ALYREF: variants seen among roughly 807,000 people sequenced by gnomAD.
ALYREF encodes the protein Aly/REF export factor, also known as THO complex subunit 4.
Under a neutral mutation model 25.2 loss-of-function variants are expected in ALYREF, and 1 was observed. The observed-to-expected ratio is 0.04, with a 90% confidence interval of 0.01 to 0.19. The LOEUF (loss-of-function observed/expected upper bound fraction) is 0.19, where lower values mean the gene tolerates loss of function less well. Among genes scored for constraint, ALYREF ranks in the 10% least tolerant of loss-of-function variants. The pLI is 1.00. For synonymous variants in ALYREF, 193 were observed against 153.5 expected, an observed-to-expected ratio of 1.26 and a Z score of -1.90; for missense variants, 328 against 375.6, an observed-to-expected ratio of 0.87 and a Z score of 1.05.
chr17:81,889,170 C>T lies in ALYREF; in HGVS notation c.538+12G>A, dbSNP rs868083706. On this transcript the variant is annotated intron_variant, in intron 3 of 5. Coordinates refer to ENST00000505490, the MANE Select transcript of ALYREF (RefSeq NM_005782.4). ...AGCCCCACAGTCAGCGTGGGTCCAC[C>T]CCCAGACTCACCATCCAGAGGGACG... The T allele has an allele frequency of 5.6e-6, 9 of 1,613,698 alleles. 1 individual carries two copies. The Middle Eastern group carries it at 1.3e-3, about 237-fold the overall frequency.
chr17:81,889,347 C>T lies in ALYREF; in HGVS notation c.391-18G>A, dbSNP rs1172348215. The T allele has an allele frequency of 1.2e-6, 2 of 1,609,988 alleles. No homozygotes were observed. Among genetic ancestry groups the T allele is most frequent in the East Asian group, 4.5e-5 (2 of 44,732 alleles). On this transcript the variant is annotated intron_variant, in intron 2 of 5. Coordinates refer to ENST00000505490, the MANE Select transcript of ALYREF (RefSeq NM_005782.4). ...AAGAGTTCCTGGGAGTTGCAGAGAG[C>T]AGTTGTCAGAAAAGCAACAAAACTG... is the stretch of plus-strand genomic sequence containing the variant.
At position 81,887,952 on chromosome 17, in the gene ALYREF, C is replaced by T; in HGVS notation, c.*179G>A. 1.4e-6 allele frequency: 1 copy of T among 722,694 alleles called. No homozygotes were observed. Among genetic ancestry groups the T allele is most frequent in the East Asian group, 2.9e-5 (1 of 34,030 alleles). 44.8% of individuals were successfully genotyped at this position (722,694 alleles called of 1,614,324 possible). A position where few individuals can be genotyped will look rare whatever the true frequency, so the allele number is the denominator to read the frequency against. ...AACTCGGTACAAAACAGGTCTGTTT[C>T]AGAATTAAAAAAAAAAAAAAAGAAA... is the stretch of plus-strand genomic sequence containing the variant. On this transcript the variant is annotated 3_prime_UTR_variant, in exon 6 of 6. Transcript: ENST00000505490.
intron 2 of ALYREF, chr17:81,890,044 T>C (rs966933110): frequency 1.3e-5 from 2 of 152,316 alleles, no homozygotes; most frequent in African/African-American, 4.8e-5. Context: ...GGCTGGGCTG[T>C]GGGCAACTGA....
Position 81,888,070 on chromosome 17 carries a change from C to T in ALYREF, c.*61G>A, listed in dbSNP as rs1264759711. Reference sequence around the variant, plus strand: ...GCCGCACAGCCCCAGCCACCGCCCCCCAACCAGGGAGCAAGAGGAGACGCC... The same window carrying T: ...GCCGCACAGCCCCAGCCACCGCCCCTCAACCAGGGAGCAAGAGGAGACGCC... On this transcript the variant is annotated 3_prime_UTR_variant, in exon 6 of 6. Coordinates refer to ENST00000505490, the MANE Select transcript of ALYREF (RefSeq NM_005782.4). This position sits in a 1 kb window ranked among gnomAD's most constrained non-coding sequence, Gnocchi z 5.8. 3 of 1,611,220 alleles carry T rather than the reference C, an allele frequency of 1.9e-6. No homozygotes were observed. The highest frequency in any genetic ancestry group is 2.5e-6 in the Non-Finnish European group (3 of 1,178,614).
Position 81,888,185 on chromosome 17 carries a change from G to A in ALYREF, c.781-40C>T. 6.2e-7 allele frequency: 1 copy of A among 1,614,070 alleles called. No homozygotes were observed. The highest frequency in any genetic ancestry group is 8.5e-7 in the Non-Finnish European group (1 of 1,180,016). On this transcript the variant is annotated intron_variant, in intron 5 of 5. Coordinates refer to ENST00000505490, the MANE Select transcript of ALYREF (RefSeq NM_005782.4). The surrounding 1 kb of genome is among the most constrained non-coding windows in gnomAD (Gnocchi z 5.8). ...AGAAAGAGGCTTGCATTCACAGGCG[G>A]CCTGCTCCCCACTGCGGCTTTGACC...
In ALYREF at chr17:81,890,669, G is replaced by C; in HGVS notation, c.390+20C>G. 4 of 1,611,978 alleles carry C rather than the reference G, an allele frequency of 2.5e-6. No individual in the cohort carries two copies. Among genetic ancestry groups the C allele is most frequent in the Non-Finnish European group, 3.4e-6 (4 of 1,179,846 alleles). On this transcript the variant is annotated intron_variant, in intron 2 of 5. Coordinates refer to ENST00000505490, the MANE Select transcript of ALYREF (RefSeq NM_005782.4). ...TCCTGTGCAGGGCGAACGGCTCACCGAGAAGCCCTCGTCTCTTACCTGAAT... is the reference window on the plus strand; with the variant it reads ...TCCTGTGCAGGGCGAACGGCTCACCCAGAAGCCCTCGTCTCTTACCTGAAT...
chr17:81,887,995 T>G lies in ALYREF; in HGVS notation c.*136A>C. ...AAAAGAAAAAAAAAAAACCTTTACA[T>G]GAGTTTTTAAATCCTATTTTAAAAC... On this transcript the variant is annotated 3_prime_UTR_variant, in exon 6 of 6. Transcript: ENST00000505490. The G allele has an allele frequency of 1.1e-6, 1 of 938,338 alleles. No individual in the cohort carries two copies. Among genetic ancestry groups the G allele is most frequent in the Non-Finnish European group, 1.5e-6 (1 of 668,990 alleles). The allele number at this position is 938,338 out of a possible 1,614,324, so 58.1% of individuals were successfully genotyped here.
In ALYREF at chr17:81,888,174, A is replaced by G; in HGVS notation, c.781-29T>C. On this transcript the variant is annotated intron_variant, in intron 5 of 5. Coordinates refer to ENST00000505490, the MANE Select transcript of ALYREF (RefSeq NM_005782.4). This position sits in a 1 kb window ranked among gnomAD's most constrained non-coding sequence, Gnocchi z 5.8. ...AAACACAGAGGAGAAAGAGGCTTGC[A>G]TTCACAGGCGGCCTGCTCCCCACTG... is the stretch of plus-strand genomic sequence containing the variant. 2 of 1,614,086 alleles carry G rather than the reference A, an allele frequency of 1.2e-6. No homozygotes were observed. Among genetic ancestry groups the G allele is most frequent in the East Asian group, 2.2e-5 (1 of 44,874 alleles).
chr17:81,889,566 G>C (rs1352122526), intron 2 of ALYREF, among the ~76,000 whole-genome samples: 1 of 152,244 alleles, frequency 6.6e-6, no homozygotes, highest in African/African-American at 2.4e-5. Context: ...GATGCAGGTA[G>C]AGGAAGCTGC....
rs1019483681 is a variant in ALYREF, at chr17:81,888,723, G to A, written c.539-140C>T. On this transcript the variant is annotated intron_variant, in intron 3 of 5. Coordinates refer to ENST00000505490, the MANE Select transcript of ALYREF (RefSeq NM_005782.4). The surrounding 1 kb of genome is among the most constrained non-coding windows in gnomAD (Gnocchi z 5.8). ...ATGCCCCCGACAAGGGAAATGGCCTGGAGATACTGGTGGGAGAACAAAATG... is the reference window on the plus strand; with the variant it reads ...ATGCCCCCGACAAGGGAAATGGCCTAGAGATACTGGTGGGAGAACAAAATG... 2.0e-6 allele frequency: 3 copies of A among 1,478,026 alleles called. No homozygotes were observed. The highest frequency in any genetic ancestry group is 2.8e-5 in the African/African-American group (2 of 71,240). The allele number at this position is 1,478,026 out of a possible 1,614,324, so 91.6% of individuals were successfully genotyped here. A position where few individuals can be genotyped will look rare whatever the true frequency, so the allele number is the denominator to read the frequency against.
In ALYREF at chr17:81,889,318, A is replaced by G; in HGVS notation, c.402T>C (p.Ala134=). ...VSDADIQELF[A]EFGTLKKAAV... ...CCGCCTTCTTCAGCGTTCCAAATTC[A>G]GCAAAGAGTTCCTGGGAGTTGCAGA... The change falls in exon 3 of 6, where the codon GCT becomes GCC. Residue 134 remains alanine (A), a synonymous_variant. Coordinates refer to ENST00000505490, the MANE Select transcript of ALYREF (RefSeq NM_005782.4). 6.2e-7 allele frequency: 1 copy of G among 1,614,024 alleles called. No individual in the cohort carries two copies. Among genetic ancestry groups the G allele is most frequent in the Non-Finnish European group, 8.5e-7 (1 of 1,179,854 alleles).
At chr17:81,890,340 C>T (rs2039495539) in intron 2 of ALYREF, among the ~76,000 whole-genome samples, 1 of 152,166 alleles carries the variant, frequency 6.6e-6, no homozygotes, top group African/African-American at 2.4e-5. Flanking sequence ...CACATTAACC[C>T]ACTAAGACAG....
At chr17:81,891,044 T>G in intron 1 of ALYREF, 1 of 718,410 alleles carries the variant, frequency 1.4e-6, no homozygotes, top group Non-Finnish European at 2.2e-6. Flanking sequence ...CCGCCGCCTG[T>G]GCCGCGCCCA....
intron 2 of ALYREF, 128 bp from the exon 3 acceptor site, chr17:81,889,457 C>T (rs779381447): frequency 3.6e-6 from 4 of 1,108,932 alleles, no homozygotes; most frequent in African/African-American, 3.1e-5. Context: ...CAGTGGTTAA[C>T]GGGAAATGAG....
intron 2 of ALYREF, chr17:81,889,937 C>G (rs973332836): frequency 3.3e-5 from 5 of 153,492 alleles, no homozygotes; most frequent in Admixed American, 6.4e-5. Context: ...TGGAGTTCAC[C>G]AAAAGCGGTT....
intron 2 of ALYREF, 79 bp downstream of exon 2, chr17:81,890,610 G>A (rs2039502224): frequency 6.4e-7 from 1 of 1,574,170 alleles, no homozygotes; most frequent in Non-Finnish European, 8.6e-7. Context: ...GGCGGGAAGG[G>A]GACTCAGGGC....
At position 81,888,995 on chromosome 17, in the gene ALYREF, T is replaced by C. The variant is rs2039467493; in HGVS notation, c.538+187A>G. On this transcript the variant is annotated intron_variant, in intron 3 of 5. Transcript: ENST00000505490. This position sits in a 1 kb window ranked among gnomAD's most constrained non-coding sequence, Gnocchi z 5.8. ...GAGGGGAGGGATGTAGCTTGCTGGA[T>C]GGGGGTTCACAAGAGGTTGGTCCAG... 7.0e-7 allele frequency: 1 copy of C among 1,428,232 alleles called. No individual in the cohort carries two copies. The highest frequency in any genetic ancestry group is 9.2e-7 in the Non-Finnish European group (1 of 1,092,280). 88.5% of individuals were successfully genotyped at this position (1,428,232 alleles called of 1,614,324 possible).
intron 1 of ALYREF, 120 bp downstream of exon 1, chr17:81,891,203 C>T (rs910148744): frequency 1.2e-5 from 10 of 850,972 alleles, no homozygotes; most frequent in Non-Finnish European, 1.5e-5. Context: ...TCCGGACCTC[C>T]GGGCGGCCGC....
chr17:81,890,637 C>T, intron 2 of ALYREF, 52 bp downstream of exon 2: 3 of 1,593,562 alleles, frequency 1.9e-6, no homozygotes, highest in Non-Finnish European at 2.6e-6. Context: ...CCCAAAATCA[C>T]GATCCGTCCT....
Sources: allele counts gnomAD v4.1 joint callset (sites outside exome capture counted in the v4.1 genomes callset), GRCh38; gene constraint gnomAD v4.1.1; non-coding constraint Gnocchi (gnomAD v3.1); transcripts MANE v1.5; gene names NCBI Gene and HGNC (gene_info 2026-07-23, HGNC 2026-07-21).